Variants in CNOT2 observed in about 807,000 individuals in gnomAD.
CNOT2 encodes CC chemokine receptor 4-negative regulator of transcription 2.
CNOT2 carries 7 observed loss-of-function variants against 72.1 expected under a neutral mutation model. That is an observed-to-expected ratio of 0.10 (90% CI 0.06 to 0.18). CNOT2 has a LOEUF of 0.18. CNOT2 is among the 10% of genes least tolerant of loss of function. The probability of loss-of-function intolerance (pLI) is 1.00; values close to 1 mark genes in which losing one functional copy is unlikely to be tolerated. For missense variants in CNOT2, 345 were observed against 660.3 expected, an observed-to-expected ratio of 0.52 and a Z score of 5.23; for synonymous variants, 196 against 225.6, an observed-to-expected ratio of 0.87 and a Z score of 1.17.
chr12:70,250,854 A>AT (rs1447703245), intron 1 of CNOT2, among the ~76,000 whole-genome samples: 1 of 152,204 alleles, frequency 6.6e-6, no homozygotes, highest in South Asian at 2.1e-4. Flanking sequence ...AGAAGAGGTG[A>AT]TTAAAGCATA....
chr12:70,329,306 A>G, intron 4 of CNOT2, 117 bp from the exon 5 acceptor site: 1 of 640,468 alleles, frequency 1.6e-6, no homozygotes. Flanking sequence ...ATATCCATTT[A>G]AAATTTGCGT....
chr12:70,289,936 A>G (rs559037744), intron 2 of CNOT2, among the ~76,000 whole-genome samples: 190 of 152,022 alleles, frequency 1.2e-3, no homozygotes, highest in African/African-American at 4.5e-3. Flanking sequence ...TGAGTGCTAT[A>G]TAATGTTTGT....
At chr12:70,311,774 C>T (rs1269067857) in intron 3 of CNOT2, among the ~76,000 whole-genome samples, 1 of 151,966 alleles carries the variant, frequency 6.6e-6, no homozygotes, top group African/African-American at 2.4e-5. Context: ...TTACCTTTCA[C>T]ACTTTATAAA....
chr12:70,352,003 G>A (rs1882930172), intron 15 of CNOT2, among the ~76,000 whole-genome samples: 1 of 152,014 alleles, frequency 6.6e-6, no homozygotes, highest in Non-Finnish European at 1.5e-5. Context: ...TCACCATGGT[G>A]TACCTTCTTT....
At chr12:70,305,877 T>TTG (rs1555198864) in intron 2 of CNOT2, among the ~76,000 whole-genome samples, 6 of 147,432 alleles carry the variant, frequency 4.1e-5, no homozygotes, top group East Asian at 2.0e-4. Flanking sequence ...AAGTTTGTTT[T>TTG]TTTTTTTTTT....
chr12:70,333,293 T>G (rs1880221668), intron 7 of CNOT2, among the ~76,000 whole-genome samples: 2 of 151,920 alleles, frequency 1.3e-5, no homozygotes, highest in African/African-American at 4.8e-5. Flanking sequence ...CTTAATAGTT[T>G]TAATAATACT....
chr12:70,276,298 T>TA (rs1565756406), intron 1 of CNOT2, among the ~76,000 whole-genome samples: 1 of 151,910 alleles, frequency 6.6e-6, no homozygotes, highest in Non-Finnish European at 1.5e-5. Context: ...CTTACCTGAT[T>TA]ATAGATTTCC....
intron 11 of CNOT2, among the ~76,000 whole-genome samples, chr12:70,339,223 TC>T (rs1324142731): frequency 6.6e-6 from 1 of 152,004 alleles, no homozygotes; most frequent in Non-Finnish European, 1.5e-5. Flanking sequence ...TAGTCATTGT[TC>T]GTAACTGCAG....
At chr12:70,293,674 G>C (rs1029113102) in intron 2 of CNOT2, among the ~76,000 whole-genome samples, 1 of 151,988 alleles carries the variant, frequency 6.6e-6, no homozygotes, top group Non-Finnish European at 1.5e-5. Flanking sequence ...AAGTTCACTG[G>C]TCCACCTTTA....
chr12:70,344,768 T>C (rs887485582), intron 14 of CNOT2: 1 of 152,222 alleles, frequency 6.6e-6, no homozygotes. Flanking sequence ...GAAGACAGAA[T>C]TGACATAACT....
chr12:70,303,909 T>C (rs1297020446), intron 2 of CNOT2, among the ~76,000 whole-genome samples: 5 of 152,168 alleles, frequency 3.3e-5, no homozygotes, highest in Non-Finnish European at 1.5e-5. Context: ...TTTGTTTATT[T>C]CTTTTTATTC....
chr12:70,247,273 T>C (rs964619249), intron 1 of CNOT2, among the ~76,000 whole-genome samples: 4 of 152,066 alleles, frequency 2.6e-5, no homozygotes, highest in Non-Finnish European at 4.4e-5. Context: ...CAAGCGGTTC[T>C]CCTGCCTCAG....
intron 2 of CNOT2, among the ~76,000 whole-genome samples, chr12:70,288,483 A>G (rs1871305749): frequency 6.6e-6 from 1 of 152,044 alleles, no homozygotes; most frequent in African/African-American, 2.4e-5. Context: ...TGATTTATAA[A>G]AAGCTTTTTT....
intron 3 of CNOT2, among the ~76,000 whole-genome samples, chr12:70,311,828 G>A (rs774412071): frequency 6.6e-5 from 10 of 151,692 alleles, no homozygotes; most frequent in Non-Finnish European, 1.5e-4. Context: ...ATCTACTCTA[G>A]CTATTAACCT....
intron 1 of CNOT2, among the ~76,000 whole-genome samples, chr12:70,247,529 T>C (rs1161743554): frequency 6.6e-6 from 1 of 152,180 alleles, no homozygotes; most frequent in Non-Finnish European, 1.5e-5. Context: ...ATTTTATGTA[T>C]CTTTCACTTC....
intron 1 of CNOT2, among the ~76,000 whole-genome samples, chr12:70,256,957 CAT>C (rs1958483299): frequency 6.6e-6 from 1 of 152,090 alleles, no homozygotes; most frequent in African/African-American, 2.4e-5. Context: ...TTTCCAGTGT[CAT>C]ATATTTATCC....
intron 3 of CNOT2, among the ~76,000 whole-genome samples, chr12:70,311,682 G>T (rs1876488299): frequency 6.6e-6 from 1 of 151,954 alleles, no homozygotes; most frequent in Admixed American, 6.6e-5. Context: ...CTAAAATTCT[G>T]TTAAGCTACT....
intron 4 of CNOT2, among the ~76,000 whole-genome samples, chr12:70,319,993 A>T (rs1488975936): frequency 6.6e-6 from 1 of 151,680 alleles, no homozygotes; most frequent in Non-Finnish European, 1.5e-5. Flanking sequence ...AATGTTAGCT[A>T]TTATCACATA....
Position 70,353,520 on chromosome 12 carries a change from A to G in CNOT2, c.1537-309A>G, listed in dbSNP as rs145657144. On this transcript the variant is annotated intron_variant, in intron 15 of 15. Coordinates refer to ENST00000229195, the MANE Select transcript of CNOT2 (RefSeq NM_014515.7). Reference sequence around the variant, plus strand: ...CTGTAATTTCCAGTGATTCAGAGATACAGTAATTGCCCCCTCTTTTTTTAA... The same window carrying G: ...CTGTAATTTCCAGTGATTCAGAGATGCAGTAATTGCCCCCTCTTTTTTTAA... 5.2e-3 allele frequency among the ~76,000 whole-genome samples: 788 copies of G among 152,304 alleles called. 7 individuals carry two copies. Among genetic ancestry groups the G allele is most frequent in the African/African-American group, 0.018 (739 of 41,568 alleles).
Sources: gnomAD v4.1 joint callset for allele counts (sites outside exome capture counted in the v4.1 genomes callset) on GRCh38, gnomAD v4.1.1 for gene constraint, MANE v1.5 for transcripts, NCBI Gene and HGNC (gene_info 2026-07-23, HGNC 2026-07-21) for gene names.